Variants in PRKN observed in about 807,000 individuals in gnomAD.
PRKN encodes parkin RBR E3 ubiquitin protein ligase, also known as E3 ubiquitin-protein ligase parkin.
A neutral mutation model predicts 59.5 loss-of-function variants in PRKN; 56 were observed. That is an observed-to-expected ratio of 0.94 (90% confidence interval 0.76 to 1.18). PRKN has a LOEUF of 1.18. PRKN is among the 50% of genes most tolerant of loss of function. The pLI is 0.00. For synonymous variants in PRKN, 250 were observed against 222.1 expected (o/e 1.13, Z -1.12); for missense variants, 657 against 596.4 (o/e 1.10, Z -1.06).
At chr6:161,521,076 G>A (rs1198669099) in intron 9 of PRKN, among the ~76,000 whole-genome samples, 1 of 152,156 alleles carries the variant, frequency 6.6e-6, no homozygotes, top group Non-Finnish European at 1.5e-5. Context: ...TCTTAAATGA[G>A]TTTGTCCTCA....
chr6:161,699,770 T>C lies in PRKN; in HGVS notation c.871+86002A>G, dbSNP rs138216153. Among the ~76,000 whole-genome samples, 809 of 152,206 alleles carry C rather than the reference T, an allele frequency of 5.3e-3. 15 individuals are homozygous for C. Among genetic ancestry groups the C allele is most frequent in the African/African-American group, 0.019 (769 of 41,540 alleles). ...AGGATGAGGAAACTCTTGGGGGTGA[T>C]AGAGAAGTTCACCGTCCTGATGGTG... On this transcript the variant is annotated intron_variant, in intron 7 of 11. Transcript: ENST00000366898.
intron 1 of PRKN, among the ~76,000 whole-genome samples, chr6:162,450,295 A>G (rs111919445): frequency 2.4e-5 from 3 of 123,816 alleles, no homozygotes; most frequent in African/African-American, 1.4e-4. Context: ...TGAGTGTAAC[A>G]CCCCTGTGAA....
intron 7 of PRKN, among the ~76,000 whole-genome samples, chr6:161,712,468 C>T (rs550386265): frequency 9.2e-5 from 14 of 152,246 alleles, no homozygotes; most frequent in African/African-American, 2.2e-4. Context: ...ATCCATTTTA[C>T]GATACTTCTG....
intron 9 of PRKN, among the ~76,000 whole-genome samples, chr6:161,398,221 C>A (rs915094571): frequency 6.6e-6 from 1 of 152,078 alleles, no homozygotes; most frequent in African/African-American, 2.4e-5. Context: ...CTTCTGGAGT[C>A]TAGGGGGAGA....
chr6:162,033,185 G>T (rs1783706255), intron 5 of PRKN, among the ~76,000 whole-genome samples: 1 of 152,132 alleles, frequency 6.6e-6, no homozygotes, highest in Non-Finnish European at 1.5e-5. Flanking sequence ...GTGTATCAGG[G>T]TCTAGGACAA....
intron 7 of PRKN, among the ~76,000 whole-genome samples, chr6:161,669,166 G>A (rs1381082092): frequency 1.3e-5 from 2 of 152,166 alleles, no homozygotes; most frequent in African/African-American, 4.8e-5. Flanking sequence ...AAGGAAGTGG[G>A]CCCTCATCCT....
At chr6:162,073,555 G>A (rs1778677107) in intron 4 of PRKN, among the ~76,000 whole-genome samples, 1 of 152,038 alleles carries the variant, frequency 6.6e-6, no homozygotes, top group Admixed American at 6.6e-5. Flanking sequence ...GGGCTCAAGC[G>A]ATCCTCCCAC....
At chr6:162,310,159 TA>T (rs1198917982) in intron 2 of PRKN, among the ~76,000 whole-genome samples, 2 of 152,186 alleles carry the variant, frequency 1.3e-5, no homozygotes, top group Non-Finnish European at 2.9e-5. Flanking sequence ...AGATAAGAGC[TA>T]AAGTCCCACC....
intron 4 of PRKN, among the ~76,000 whole-genome samples, chr6:162,112,490 T>C (rs910208896): frequency 1.3e-5 from 2 of 152,194 alleles, no homozygotes; most frequent in African/African-American, 4.8e-5. Flanking sequence ...TTTTTTGCTT[T>C]ATTTGGCCCA....
intron 7 of PRKN, among the ~76,000 whole-genome samples, chr6:161,722,239 G>C (rs1487413609): frequency 6.8e-6 from 1 of 147,620 alleles, no homozygotes; most frequent in African/African-American, 2.4e-5. Flanking sequence ...TCCCCATAAT[G>C]CCCCCAGCAT....
At chr6:161,711,360 GAATT>G (rs2128182512) in intron 7 of PRKN, among the ~76,000 whole-genome samples, 1 of 152,270 alleles carries the variant, frequency 6.6e-6, no homozygotes, top group African/African-American at 2.4e-5. Flanking sequence ...CATTATACAT[GAATT>G]AATACATATA....
chr6:161,878,574 G>A (rs1407214529), intron 6 of PRKN, among the ~76,000 whole-genome samples: 1 of 152,148 alleles, frequency 6.6e-6, no homozygotes, highest in Non-Finnish European at 1.5e-5. Context: ...ATTTGCAGGG[G>A]CCATTACGAA....
In PRKN at chr6:161,359,636, C is replaced by T. The variant is rs1290849335; in HGVS notation, c.1285+452G>A. On this transcript the variant is annotated intron_variant, in intron 11 of 11. Transcript: ENST00000366898. This position sits in a 1 kb window ranked among gnomAD's most constrained non-coding sequence, Gnocchi z 5.4. Reference sequence around the variant, plus strand: ...GTCATCAGGGGCAGGCCACAGGGATCTTTAAATATAGACGAGGGTTTAATT... The same window carrying T: ...GTCATCAGGGGCAGGCCACAGGGATTTTTAAATATAGACGAGGGTTTAATT... 6.6e-6 allele frequency among the ~76,000 whole-genome samples: 1 copy of T among 152,180 alleles called. No individual in the cohort carries two copies. Among genetic ancestry groups the T allele is most frequent in the Non-Finnish European group, 1.5e-5 (1 of 68,034 alleles).
chr6:162,499,516 T>C (rs1360904900), intron 1 of PRKN, among the ~76,000 whole-genome samples: 2 of 152,192 alleles, frequency 1.3e-5, no homozygotes, highest in Non-Finnish European at 2.9e-5. Flanking sequence ...AACCAATACA[T>C]ATTTACTGAC....
chr6:161,974,304 T>C lies in PRKN; in HGVS notation c.619-887A>G, dbSNP rs193187975. Among the ~76,000 whole-genome samples, 18 of 152,182 alleles carry C rather than the reference T, an allele frequency of 1.2e-4. No homozygotes were observed. In the East Asian group the frequency reaches 3.3e-3, roughly 28 times the overall value. On this transcript the variant is annotated intron_variant, in intron 5 of 11. Transcript: ENST00000366898. ...CCAGCCCCATCTGGAGTCTGCCCCT[T>C]TTCTGCCTGGCATCAACACCCCAGC...
intron 5 of PRKN, among the ~76,000 whole-genome samples, chr6:161,975,822 G>A (rs1413191633): frequency 1.3e-5 from 2 of 152,182 alleles, no homozygotes; most frequent in African/African-American, 4.8e-5. Context: ...TCGCAAGACC[G>A]CTGCTGTGGC....
chr6:161,537,168 C>G (rs1262693532), intron 9 of PRKN, among the ~76,000 whole-genome samples: 1 of 152,216 alleles, frequency 6.6e-6, no homozygotes, highest in Non-Finnish European at 1.5e-5. Flanking sequence ...CTTCTGAACA[C>G]ATAGCTTTTC....
intron 2 of PRKN, among the ~76,000 whole-genome samples, chr6:162,394,632 C>A (rs537633899): frequency 9.9e-4 from 150 of 152,282 alleles, no homozygotes; most frequent in Non-Finnish European, 2.0e-3. Context: ...GGCTTTCCTG[C>A]AGAAATGATA....
Position 161,350,808 on chromosome 6 carries a change from A to T in PRKN, c.1286-597T>A, listed in dbSNP as rs1189409240. ...ATATATTTATATTTAAAATATATAT[A>T]TTTTTATATATTTATATTTAAAATA... On this transcript the variant is annotated intron_variant, in intron 11 of 11. Coordinates refer to ENST00000366898, the MANE Select transcript of PRKN (RefSeq NM_004562.3). 4.4e-4 allele frequency among the ~76,000 whole-genome samples: 25 copies of T among 57,352 alleles called. 1 individual carries two copies. Among genetic ancestry groups the T allele is most frequent in the African/African-American group, 6.0e-4 (7 of 11,660 alleles). The allele number at this position is 57,352 out of a possible 152,430, so 37.6% of individuals were successfully genotyped here. A position where few individuals can be genotyped will look rare whatever the true frequency, so the allele number is the denominator to read the frequency against.
Sources: gnomAD v4.1 joint callset for allele counts (sites outside exome capture counted in the v4.1 genomes callset) on GRCh38, gnomAD v4.1.1 for gene constraint, Gnocchi (gnomAD v3.1) non-coding constraint, MANE v1.5 for transcripts, NCBI Gene and HGNC (gene_info 2026-07-23, HGNC 2026-07-21) for gene names.